SOX5: variants seen among roughly 807,000 people sequenced by gnomAD.
SOX5 encodes the protein transcription factor SOX-5.
A neutral mutation model predicts 92.0 loss-of-function variants in SOX5; 9 were observed. That is an observed-to-expected ratio of 0.10 (90% CI 0.06 to 0.17). SOX5 has a LOEUF of 0.17. SOX5 is among the 10% of genes least tolerant of loss of function. The probability of loss-of-function intolerance (pLI) is 1.00; values close to 1 mark genes in which losing one functional copy is unlikely to be tolerated. For missense variants in SOX5, 642 were observed against 944.5 expected (o/e 0.68, Z 4.20); for synonymous variants, 344 against 336.3 (o/e 1.02, Z -0.25).
intron 4 of SOX5, among the ~76,000 whole-genome samples, chr12:24,078,939 T>C (rs1488798688): frequency 1.3e-5 from 2 of 152,028 alleles, no homozygotes; most frequent in Non-Finnish European, 2.9e-5. Context: ...ATGGTTATTA[T>C]GACTTAGTGT....
chr12:24,058,324 TTC>T lies in SOX5; in HGVS notation c.-2+155017_-2+155018del, dbSNP rs1309783257. On this transcript the variant is annotated intron_variant, in intron 4 of 4. Transcript: ENST00000446891. ...TTGTAGTTGTAGTTTAAAAAAAAAA[TTC>T]TCTTTCACACAATGCTACTATTTAC... Among the ~76,000 whole-genome samples, 3 of 152,160 alleles carry T rather than the reference TTC, an allele frequency of 2.0e-5. No individual in the cohort carries two copies. The East Asian group carries it at 5.8e-4, about 29-fold the overall frequency.
chr12:24,151,799 C>T (rs191290077), intron 4 of SOX5, among the ~76,000 whole-genome samples: 80 of 151,788 alleles, frequency 5.3e-4, no homozygotes, highest in African/African-American at 1.8e-3. Flanking sequence ...CTGCAGAAAA[C>T]CTGTGGATAG....
intron 4 of SOX5, among the ~76,000 whole-genome samples, chr12:24,019,437 T>C (rs887303724): frequency 6.6e-6 from 1 of 152,180 alleles, no homozygotes; most frequent in Admixed American, 6.6e-5. Flanking sequence ...TATAGAATTA[T>C]AAAGTTTTAA....
At chr12:23,774,634 C>T (rs1002611422) in intron 3 of SOX5, among the ~76,000 whole-genome samples, 3 of 152,116 alleles carry the variant, frequency 2.0e-5, no homozygotes, top group Non-Finnish European at 4.4e-5. Flanking sequence ...TATACTCCAA[C>T]AGCATCAGCA....
chr12:23,949,712 T>TTTC, upstream of SOX5: 1 of 1,473,898 alleles, frequency 6.8e-7, no homozygotes. Context: ...TCTCTGTCTC[T>TTTC]TCCCCCCCTC....
intron 6 of SOX5, among the ~76,000 whole-genome samples, chr12:23,669,391 C>A (rs533266765): frequency 1.3e-5 from 2 of 152,144 alleles, no homozygotes; most frequent in South Asian, 2.1e-4. Context: ...ACACTACCAG[C>A]AGCTAGGAAT....
intron 4 of SOX5, among the ~76,000 whole-genome samples, chr12:24,077,760 G>C (rs926571945): frequency 7.9e-6 from 1 of 125,864 alleles, no homozygotes; most frequent in Non-Finnish European, 1.6e-5. Flanking sequence ...ACTTCTCTTC[G>C]AAAGGTATTT....
At chr12:23,981,464 A>T (rs1949558155) in intron 4 of SOX5, among the ~76,000 whole-genome samples, 1 of 152,230 alleles carries the variant, frequency 6.6e-6, no homozygotes, top group Admixed American at 6.5e-5. Flanking sequence ...ACTTTGTTAA[A>T]ATATGGATCA....
chr12:24,200,359 G>A (rs963863609), intron 4 of SOX5, among the ~76,000 whole-genome samples: 8 of 152,134 alleles, frequency 5.3e-5, no homozygotes, highest in African/African-American at 1.9e-4. Flanking sequence ...TAAATTTTAA[G>A]TTCTGTAAGA....
intron 4 of SOX5, among the ~76,000 whole-genome samples, chr12:24,209,744 C>T (rs1188774053): frequency 3.9e-5 from 6 of 152,006 alleles, no homozygotes; most frequent in Admixed American, 6.6e-5. Context: ...TCCGGCCGGG[C>T]GCGGTGGCTC....
chr12:24,404,394 A>G (rs1295947821), intron 1 of SOX5, among the ~76,000 whole-genome samples: 1 of 152,188 alleles, frequency 6.6e-6, no homozygotes, highest in African/African-American at 2.4e-5. Flanking sequence ...GGCATAATTT[A>G]TACCTTGAAT....
chr12:24,415,094 A>AT (rs1262664011), intron 1 of SOX5, among the ~76,000 whole-genome samples: 4 of 152,196 alleles, frequency 2.6e-5, no homozygotes, highest in African/African-American at 9.6e-5. Context: ...CTCTGTGTAA[A>AT]TCCCCCCCTG....
Position 23,532,035 on chromosome 12 carries a change from A to G in SOX5, c.*2184T>C, listed in dbSNP as rs143490264. The stretch of plus-strand genomic sequence containing the variant: ...GCACTTCCAAATCAGAGCAGAATAA[A>G]ATAGAAAGGGAGAAATAAAATAAAT... On this transcript the variant is annotated 3_prime_UTR_variant, in exon 15 of 15. Coordinates refer to ENST00000451604, the MANE Select transcript of SOX5 (RefSeq NM_006940.6). The G allele has an allele frequency of 1.3e-5, 2 of 151,140 alleles. No individual in the cohort carries two copies. Among genetic ancestry groups the G allele is most frequent in the East Asian group, 3.9e-4 (2 of 5,166 alleles). The allele number at this position is 151,140 out of a possible 1,614,324, so 9.4% of individuals were successfully genotyped here. A position where few individuals can be genotyped will look rare whatever the true frequency, so the allele number is the denominator to read the frequency against.
intron 1 of SOX5, among the ~76,000 whole-genome samples, chr12:23,912,921 T>A (rs1389385618): frequency 6.6e-6 from 1 of 152,192 alleles, no homozygotes; most frequent in Non-Finnish European, 1.5e-5. Context: ...TAGATTGTGG[T>A]GATGACTGCA....
chr12:23,823,808 C>T (rs1193649015), intron 3 of SOX5, among the ~76,000 whole-genome samples: 1 of 152,172 alleles, frequency 6.6e-6, no homozygotes, highest in Non-Finnish European at 1.5e-5. Flanking sequence ...AGGCTATGTT[C>T]ATTCCATTTC....
Position 24,436,874 on chromosome 12 carries a change from A to G in SOX5, c.-250-68235T>C, listed in dbSNP as rs141133216. 4.6e-3 allele frequency among the ~76,000 whole-genome samples: 703 copies of G among 152,256 alleles called. 11 individuals carry two copies. In the East Asian group the frequency reaches 0.051, roughly 11 times the overall value. On this transcript the variant is annotated intron_variant, in intron 1 of 4. Coordinates refer to the SOX5 transcript ENST00000446891. ...AAAGCCAACGCTTATTTACCATTCC[A>G]AACATTCCTAGGGCCCTTAAGAATT...
At chr12:24,320,805 C>T (rs1046738782) in intron 2 of SOX5, among the ~76,000 whole-genome samples, 26 of 151,116 alleles carry the variant, frequency 1.7e-4, no homozygotes, top group African/African-American at 5.8e-4. Flanking sequence ...GCGGAGCTTG[C>T]AGTGAGCTGA....
At chr12:24,431,071 T>C (rs184347323) in intron 1 of SOX5, among the ~76,000 whole-genome samples, 4 of 152,342 alleles carry the variant, frequency 2.6e-5, no homozygotes, top group Non-Finnish European at 4.4e-5. Context: ...AAGGTTGTCA[T>C]ATTTTTAAAG....
chr12:23,797,208 T>G (rs1360607422), intron 3 of SOX5, among the ~76,000 whole-genome samples: 1 of 152,026 alleles, frequency 6.6e-6, no homozygotes, highest in Non-Finnish European at 1.5e-5. Flanking sequence ...ATCATTTATT[T>G]CAGACTAGGT....
Sources: allele counts gnomAD v4.1 joint callset (sites outside exome capture counted in the v4.1 genomes callset), GRCh38; gene constraint gnomAD v4.1.1; transcripts MANE v1.5; gene names NCBI Gene and HGNC (gene_info 2026-07-23, HGNC 2026-07-21).